The following CDON variants were observed in gnomAD, a reference collection of about 807,000 sequenced individuals.
CDON encodes the protein cell adhesion associated, oncogene regulated.
CDON carries 73 observed loss-of-function variants against 120.9 expected under a neutral mutation model. The observed-to-expected ratio is 0.60, with a 90% CI of 0.50 to 0.73. CDON has a LOEUF of 0.73. Ranked by LOEUF, CDON falls within the 30% of genes least tolerant of loss-of-function variation. The probability of loss-of-function intolerance (pLI) is 0.00; values close to 1 mark genes in which losing one functional copy is unlikely to be tolerated. For missense variants in CDON, 1,470 were observed against 1,587.3 expected (o/e 0.93, Z 1.26); for synonymous variants, 566 against 573.5 (o/e 0.99, Z 0.19).
At chr11:126,063,334 G>C (rs1948855360), upstream of CDON, 1 of 148,384 alleles carries the variant, frequency 6.7e-6, no homozygotes, top group Non-Finnish European at 1.5e-5. Flanking sequence ...TCTGTCCCCC[G>C]AGGCCCCGCC....
At chr11:126,044,283 G>A (rs1948344915) in intron 1 of CDON, among the ~76,000 whole-genome samples, 1 of 152,160 alleles carries the variant, frequency 6.6e-6, no homozygotes, top group Admixed American at 6.5e-5. Context: ...TTATATATCG[G>A]GGAGTACTTT....
chr11:125,973,386 G>C lies in CDON; in HGVS notation c.3356+4918C>G, dbSNP rs193145571. 3.9e-5 allele frequency among the ~76,000 whole-genome samples: 6 copies of C among 152,264 alleles called. No individual in the cohort carries two copies. In the East Asian group the frequency reaches 9.7e-4, roughly 25 times the overall value. On this transcript the variant is annotated intron_variant, in intron 18 of 19. Coordinates refer to ENST00000531738, the MANE Select transcript of CDON (RefSeq NM_001378964.1). ...TCTCTACTAAAAATGCAAAAAATTA[G>C]CCGGGCGTGGTGGCGGGCACCTGTA...
At chr11:126,056,877 T>G (rs1948693747) in intron 1 of CDON, among the ~76,000 whole-genome samples, 1 of 152,230 alleles carries the variant, frequency 6.6e-6, no homozygotes, top group Non-Finnish European at 1.5e-5. Context: ...CTTTTCTTTT[T>G]TCTTCAGAAA....
chr11:126,043,249 A>C (rs949308916), intron 1 of CDON, among the ~76,000 whole-genome samples: 4 of 152,168 alleles, frequency 2.6e-5, no homozygotes, highest in African/African-American at 7.2e-5. Flanking sequence ...TCCTGCAAAC[A>C]ATCAGACCGA....
chr11:126,022,198 G>A (rs1947663322), intron 2 of CDON, among the ~76,000 whole-genome samples: 1 of 149,788 alleles, frequency 6.7e-6, no homozygotes, highest in Non-Finnish European at 1.5e-5. Context: ...ACCTGAAAAA[G>A]TGAAGATGAC....
rs544642990 is a variant in CDON at position 126,041,893 on chromosome 11, A to AT, written c.-61-18357dup. Among the ~76,000 whole-genome samples the AT allele has an allele frequency of 6.8e-4, 104 of 151,990 alleles. 2 individuals carry two copies. In the South Asian group the frequency reaches 0.02, roughly 30 times the overall value. On this transcript the variant is annotated intron_variant, in intron 1 of 19. Transcript: ENST00000531738. The stretch of plus-strand genomic sequence containing the variant: ...TTAGGCAATATCAATTTGCTGATTT[A>AT]TTTTTTTTGAGACAGAGTTTCGCTC...
At chr11:125,977,903 CA>C (rs1212685099) in intron 18 of CDON, among the ~76,000 whole-genome samples, 1 of 151,830 alleles carries the variant, frequency 6.6e-6, no homozygotes, top group Non-Finnish European at 1.5e-5. Flanking sequence ...TTACTATATA[CA>C]GAGGGTTCCC....
chr11:125,981,965 A>ATTTCC (rs1946318366), intron 16 of CDON, among the ~76,000 whole-genome samples: 3 of 34,432 alleles, frequency 8.7e-5, no homozygotes, highest in Admixed American at 3.4e-4. Flanking sequence ...AAGTGATTCT[A>ATTTCC]TTTTCTTTTT....
intron 18 of CDON, among the ~76,000 whole-genome samples, chr11:125,975,419 T>A (rs187279587): frequency 7.0e-6 from 1 of 143,140 alleles, no homozygotes; most frequent in African/African-American, 2.6e-5. Context: ...TAATAAATAA[T>A]ATTTAATAGG....
At chr11:125,999,833 A>G (rs1378410595) in intron 11 of CDON, among the ~76,000 whole-genome samples, 1 of 152,178 alleles carries the variant, frequency 6.6e-6, no homozygotes, top group African/African-American at 2.4e-5. Flanking sequence ...TTTCAAGGAA[A>G]GATTCAACTT....
intron 1 of CDON, among the ~76,000 whole-genome samples, chr11:126,041,560 CTA>C (rs1254482868): frequency 6.6e-6 from 1 of 152,180 alleles, no homozygotes; most frequent in Non-Finnish European, 1.5e-5. Flanking sequence ...TAATAGCAAA[CTA>C]TGTTAAAACA....
At chr11:125,977,954 A>G (rs141598675) in intron 18 of CDON, among the ~76,000 whole-genome samples, 1 of 152,148 alleles carries the variant, frequency 6.6e-6, no homozygotes, top group Non-Finnish European at 1.5e-5. Flanking sequence ...ATTCATCCTC[A>G]TAACATCCCA....
At chr11:126,004,845 C>T (rs935358674) in intron 9 of CDON, among the ~76,000 whole-genome samples, 3 of 152,200 alleles carry the variant, frequency 2.0e-5, no homozygotes, top group Non-Finnish European at 4.4e-5. Flanking sequence ...ATGCATCCCT[C>T]CCATTTCATT....
chr11:126,017,226 G>A lies in CDON; in HGVS notation c.790C>T (p.Pro264Ser). 6.2e-7 allele frequency: 1 copy of A among 1,614,064 alleles called. No individual in the cohort carries two copies. The highest frequency in any genetic ancestry group is 8.5e-7 in the Non-Finnish European group (1 of 1,180,012). The change falls in exon 6 of 20, where the codon CCA becomes TCA. Residue 264 changes from proline to serine, a missense_variant. Transcript: ENST00000531738. ...YWLKDGQDIAPGSNWRRLYSH... is the reference protein window; with the variant it reads ...YWLKDGQDIASGSNWRRLYSH... ...TACAACCTTCTCCAGTTGCTTCCTGGTGCAATGTCCTGCCCGTCCTTTAGC... is the reference window on the plus strand; with the variant it reads ...TACAACCTTCTCCAGTTGCTTCCTGATGCAATGTCCTGCCCGTCCTTTAGC...
chr11:126,016,615 T>G (rs1158627697), intron 6 of CDON, among the ~76,000 whole-genome samples: 1 of 152,024 alleles, frequency 6.6e-6, no homozygotes, highest in African/African-American at 2.4e-5. Context: ...GTATTTTTGG[T>G]AGAGATGGGG....
At chr11:125,996,688 A>C (rs1295646828) in intron 12 of CDON, among the ~76,000 whole-genome samples, 2 of 112,430 alleles carry the variant, frequency 1.8e-5, no homozygotes, top group Non-Finnish European at 3.4e-5. Flanking sequence ...CGACAGAGGG[A>C]GACTCCATCT....
rs369973048 is a variant in CDON, at chr11:125,974,370, A to T, written c.3356+3934T>A. 2.9e-3 allele frequency among the ~76,000 whole-genome samples: 107 copies of T among 36,800 alleles called. 1 individual carries two copies. Among genetic ancestry groups the T allele is most frequent in the East Asian group, 5.9e-3 (6 of 1,020 alleles). 24.1% of individuals were successfully genotyped at this position (36,800 alleles called of 152,430 possible). The stretch of plus-strand genomic sequence containing the variant: ...GTAGGTAGGTAGGTAGGTAGGTAGG[A>T]AGGAAGGAAGGAAGGAAGGAAGGGA... On this transcript the variant is annotated intron_variant, in intron 18 of 19. Coordinates refer to ENST00000531738, the MANE Select transcript of CDON (RefSeq NM_001378964.1).
chr11:126,022,543 G>T (rs1461812576), intron 2 of CDON, among the ~76,000 whole-genome samples: 1 of 152,022 alleles, frequency 6.6e-6, no homozygotes, highest in South Asian at 2.1e-4. Context: ...AGTGGGAAGG[G>T]GGAAGAAATA....
In CDON at chr11:125,959,846, G is replaced by A. The variant is rs1404359661; in HGVS notation, c.*1096C>T. 1 of 152,000 alleles carries A rather than the reference G, an allele frequency of 6.6e-6. No individual in the cohort carries two copies. Among genetic ancestry groups the A allele is most frequent in the Non-Finnish European group, 1.5e-5 (1 of 68,024 alleles). The allele number at this position is 152,000 out of a possible 1,614,324, so 9.4% of individuals were successfully genotyped here. A position where few individuals can be genotyped will look rare whatever the true frequency, so the allele number is the denominator to read the frequency against. On this transcript the variant is annotated 3_prime_UTR_variant, in exon 20 of 20. Transcript: ENST00000531738. ...TGAAAATGTGTATCTTTCTCTTCAA[G>A]CCACCATTTAATGTCTTATTTTGTT...
Sources: gnomAD v4.1 joint callset for allele counts (sites outside exome capture counted in the v4.1 genomes callset) on GRCh38, gnomAD v4.1.1 for gene constraint, MANE v1.5 for transcripts, NCBI Gene and HGNC (gene_info 2026-07-23, HGNC 2026-07-21) for gene names.